PDE1A: variants seen among roughly 807,000 people sequenced by gnomAD.
PDE1A encodes the protein phosphodiesterase 1A.
In PDE1A, 35 loss-of-function variants were observed where a neutral mutation model predicts 61.7. That is an observed-to-expected ratio of 0.57 (90% CI 0.43 to 0.75). The LOEUF (loss-of-function observed/expected upper bound fraction) is 0.75, where lower values mean the gene tolerates loss of function less well. Ranked by LOEUF, PDE1A falls within the 30% of genes least tolerant of loss-of-function variation. PDE1A has a pLI of 0.00. For missense variants in PDE1A, 597 were observed against 630.6 expected (o/e 0.95, Z 0.57); for synonymous variants, 232 against 213.2 (o/e 1.09, Z -0.77).
chr2:182,668,389 T>C, the PDE1A span, among the ~76,000 whole-genome samples: 3 of 151,764 alleles, frequency 2.0e-5, no homozygotes, highest in African/African-American at 7.3e-5. Context: ...CTCTGCAAGA[T>C]TAGACCAGAC....
chr2:182,358,596 T>C (rs948900599), intron 1 of PDE1A, among the ~76,000 whole-genome samples: 4 of 152,204 alleles, frequency 2.6e-5, no homozygotes, highest in African/African-American at 9.6e-5. Context: ...TGCTATATTA[T>C]AGTTGCATCT....
intron 1 of PDE1A, among the ~76,000 whole-genome samples, chr2:182,376,408 C>T (rs1700407035): frequency 6.6e-6 from 1 of 152,208 alleles, no homozygotes; most frequent in Non-Finnish European, 1.5e-5. Context: ...CGCTGCCAGT[C>T]TCTTTGCTAA....
In PDE1A at chr2:182,288,849, G is replaced by C. The variant is rs559494519; in HGVS notation, c.54-24435C>G. On this transcript the variant is annotated intron_variant, in intron 1 of 13. Coordinates refer to ENST00000351439, the Ensembl canonical transcript of PDE1A. ...ATATTAGAAATGATGCACATTAGAA[G>C]TTAAGAAATCAACATGTTTCAGAAC... 2.6e-5 allele frequency among the ~76,000 whole-genome samples: 4 copies of C among 152,114 alleles called. No individual in the cohort carries two copies. The South Asian group carries it at 8.3e-4, about 32-fold the overall frequency.
intron 1 of PDE1A, among the ~76,000 whole-genome samples, chr2:182,360,721 T>C (rs911551915): frequency 6.8e-6 from 1 of 147,988 alleles, no homozygotes; most frequent in African/African-American, 2.5e-5. Flanking sequence ...TTTTTAGAAG[T>C]TTTTTTTTTC....
chr2:182,282,687 C>T (rs1301352157), intron 1 of PDE1A, among the ~76,000 whole-genome samples: 2 of 151,926 alleles, frequency 1.3e-5, no homozygotes, highest in African/African-American at 2.4e-5. Flanking sequence ...TTCCTACATA[C>T]ACCAAGAATT....
chr2:182,426,880 G>C, exon 1 of PDE1A: 2 of 1,281,448 alleles, frequency 1.6e-6, no homozygotes, highest in East Asian at 3.3e-5. Flanking sequence ...AAACCACCAA[G>C]AGTCACGTTG....
chr2:182,382,344 A>C (rs527933351), intron 1 of PDE1A, among the ~76,000 whole-genome samples: 3 of 152,362 alleles, frequency 2.0e-5, no homozygotes, highest in Admixed American at 1.3e-4. Flanking sequence ...CTCAAGAACA[A>C]GGAAGAAGAG....
the PDE1A span, among the ~76,000 whole-genome samples, chr2:182,594,191 A>C: frequency 1.2e-3 from 180 of 152,296 alleles, no homozygotes; most frequent in African/African-American, 4.1e-3. Flanking sequence ...TAAATTTTTC[A>C]TTTACTTTTA....
intron 1 of PDE1A, among the ~76,000 whole-genome samples, chr2:182,319,813 T>A (rs1559333641): frequency 1.3e-5 from 2 of 152,206 alleles, no homozygotes; most frequent in Non-Finnish European, 2.9e-5. Flanking sequence ...TACACATTAT[T>A]TAATTGGCAT....
chr2:182,560,536 G>A, the PDE1A span, among the ~76,000 whole-genome samples: 3 of 151,372 alleles, frequency 2.0e-5, no homozygotes, highest in Non-Finnish European at 4.4e-5. Context: ...GTGTGCATGT[G>A]TCTTTATAGC....
At chr2:182,230,340 C>T (rs974416193) in intron 5 of PDE1A, among the ~76,000 whole-genome samples, 194 bp from the exon 6 acceptor site, 1 of 152,052 alleles carries the variant, frequency 6.6e-6, no homozygotes, top group African/African-American at 2.4e-5. Flanking sequence ...ATTGTAACCC[C>T]CAAGTATTTG....
At chr2:182,623,989 G>T in the PDE1A span, among the ~76,000 whole-genome samples, 1 of 151,768 alleles carries the variant, frequency 6.6e-6, no homozygotes, top group Non-Finnish European at 1.5e-5. Flanking sequence ...GCCGGGCGTA[G>T]TGGCGGGCGC....
chr2:182,631,114 C>T, the PDE1A span, among the ~76,000 whole-genome samples: 1 of 151,816 alleles, frequency 6.6e-6, no homozygotes, highest in Non-Finnish European at 1.5e-5. Flanking sequence ...AAGCTGGAGA[C>T]CCAAGAAAGT....
intron 1 of PDE1A, among the ~76,000 whole-genome samples, chr2:182,390,072 T>C (rs777732558): frequency 3.3e-5 from 5 of 152,146 alleles, no homozygotes; most frequent in Admixed American, 2.0e-4. Context: ...AGAGGGCCTA[T>C]TGTATGATTT....
chr2:182,436,423 A>G (rs1684414685), intron 2 of PDE1A, among the ~76,000 whole-genome samples: 2 of 152,014 alleles, frequency 1.3e-5, no homozygotes, highest in African/African-American at 4.8e-5. Flanking sequence ...ACTGGTCAGT[A>G]GTGCTTTCCC....
At chr2:182,687,253 C>A in the PDE1A span, among the ~76,000 whole-genome samples, 1 of 152,202 alleles carries the variant, frequency 6.6e-6, no homozygotes. Context: ...GGTCCCTGAC[C>A]CCCAAGTAGC....
At chr2:182,636,880 AGCAGGGGGCT>A in the PDE1A span, among the ~76,000 whole-genome samples, 1 of 152,180 alleles carries the variant, frequency 6.6e-6, no homozygotes, top group South Asian at 2.1e-4. Flanking sequence ...GCTGGCTGTC[AGCAGGGGGCT>A]GGTCTTTGCT....
intron 1 of PDE1A, among the ~76,000 whole-genome samples, chr2:182,398,979 T>C (rs1051406132): frequency 6.6e-6 from 1 of 152,050 alleles, no homozygotes; most frequent in Non-Finnish European, 1.5e-5. Flanking sequence ...TTGTTAACTA[T>C]AAAGCAGGAT....
chr2:182,172,565 C>A (rs1294746436), intron 13 of PDE1A, among the ~76,000 whole-genome samples: 1 of 152,042 alleles, frequency 6.6e-6, no homozygotes, highest in South Asian at 2.1e-4. Context: ...TCCTCTCCAC[C>A]TCCACTCTTA....
Sources: allele counts gnomAD v4.1 joint callset (sites outside exome capture counted in the v4.1 genomes callset), GRCh38; gene constraint gnomAD v4.1.1; transcripts MANE v1.5; gene names NCBI Gene and HGNC (gene_info 2026-07-23, HGNC 2026-07-21).